Variants in DLG5 observed in about 807,000 individuals in gnomAD.
The protein encoded by DLG5 is disks large homolog 5.
A neutral mutation model predicts 189.8 loss-of-function variants in DLG5; 48 were observed. That is an observed-to-expected ratio of 0.25 (90% CI 0.20 to 0.32). The LOEUF (loss-of-function observed/expected upper bound fraction) is 0.32. DLG5 is among the 10% of genes least tolerant of loss of function. The pLI, the probability that DLG5 is intolerant of heterozygous loss-of-function variation, is 1.00. For synonymous variants in DLG5, 1,016 were observed against 1,054.1 expected (o/e 0.96, Z 0.70); for missense variants, 2,160 against 2,544.7 (o/e 0.85, Z 3.25).
chr10:77,881,663 CA>C (rs1845285528), intron 1 of DLG5, among the ~76,000 whole-genome samples: 1 of 152,168 alleles, frequency 6.6e-6, no homozygotes, highest in Non-Finnish European at 1.5e-5. Context: ...AATGGAGTTT[CA>C]GGAAGCTGTT....
chr10:77,879,239 G>A (rs1343711378), intron 1 of DLG5, among the ~76,000 whole-genome samples: 1 of 152,078 alleles, frequency 6.6e-6, no homozygotes, highest in Non-Finnish European at 1.5e-5. Context: ...GAGTGCCAGA[G>A]GAGGGAATAG....
rs188812734 is a variant in DLG5 at position 77,843,430 on chromosome 10, G to A, written c.1124+17C>T. On this transcript the variant is annotated intron_variant, in intron 6 of 31. Coordinates refer to ENST00000372391, the MANE Select transcript of DLG5 (RefSeq NM_004747.4). ...TAGGACCCATTTGCCCCCGGCCCCC[G>A]ATGGCCCTAGCCCTACCTCCTCAGG... 2,210 of 1,610,844 alleles carry A rather than the reference G, an allele frequency of 1.4e-3. 7 individuals are homozygous for A. Among genetic ancestry groups the A allele is most frequent in the Non-Finnish European group, 1.5e-3 (1,793 of 1,178,950 alleles).
At chr10:77,843,821 G>C (rs1843550629) in intron 5 of DLG5, 115 bp from the exon 6 acceptor site, 25 of 1,399,148 alleles carry the variant, frequency 1.8e-5, no homozygotes, top group Non-Finnish European at 2.2e-5. Flanking sequence ...GTTGGGGGGA[G>C]GGGGTTACCC....
At chr10:77,877,959 T>C (rs1262998375) in intron 1 of DLG5, among the ~76,000 whole-genome samples, 3 of 152,206 alleles carry the variant, frequency 2.0e-5, no homozygotes, top group Admixed American at 2.0e-4. Context: ...GCCTCCATTA[T>C]GCTCCAGCCG....
chr10:77,828,486 CAAAAAAAAA>C (rs34839290), intron 13 of DLG5, among the ~76,000 whole-genome samples: 13 of 66,494 alleles, frequency 2.0e-4, no homozygotes, highest in South Asian at 8.1e-4. Flanking sequence ...GACTCCATAT[CAAAAAAAAA>C]AAAAAAAAAA....
intron 1 of DLG5, among the ~76,000 whole-genome samples, chr10:77,904,014 G>A (rs190155635): frequency 6.6e-6 from 1 of 152,260 alleles, no homozygotes; most frequent in African/African-American, 2.4e-5. Flanking sequence ...CAATTAAAAG[G>A]CTGCTCTAAG....
intron 27 of DLG5, among the ~76,000 whole-genome samples, chr10:77,801,787 C>G (rs1415889883): frequency 6.6e-6 from 1 of 152,198 alleles, no homozygotes; most frequent in East Asian, 1.9e-4. Flanking sequence ...GTGTGGCAGG[C>G]TGACAAGTGT....
intron 27 of DLG5, among the ~76,000 whole-genome samples, chr10:77,798,326 T>A (rs1841028958): frequency 6.6e-6 from 1 of 152,210 alleles, no homozygotes. Flanking sequence ...ATTCACCACC[T>A]TGGAACCCCA....
chr10:77,906,592 T>C lies in DLG5; in HGVS notation c.304+19625A>G, dbSNP rs558017194. On this transcript the variant is annotated intron_variant, in intron 1 of 31. Coordinates refer to ENST00000372391, the MANE Select transcript of DLG5 (RefSeq NM_004747.4). The stretch of plus-strand genomic sequence containing the variant: ...TCCCAAGGAGGTCGACTGTTCAGGA[T>C]GGGCAGCAACAGTGCTGCGCTCCAC... Among the ~76,000 whole-genome samples, 266 of 149,508 alleles carry C rather than the reference T, an allele frequency of 1.8e-3. 1 individual carries two copies. The highest frequency in any genetic ancestry group is 5.9e-3 in the African/African-American group (238 of 40,644).
intron 1 of DLG5, among the ~76,000 whole-genome samples, chr10:77,914,632 A>C (rs139695849): frequency 6.6e-6 from 1 of 152,144 alleles, no homozygotes; most frequent in Non-Finnish European, 1.5e-5. Context: ...CCCACCAAGA[A>C]TGCCCCCTGG....
At chr10:77,897,800 GA>G (rs985033096) in intron 1 of DLG5, among the ~76,000 whole-genome samples, 5 of 145,702 alleles carry the variant, frequency 3.4e-5, no homozygotes, top group South Asian at 2.2e-4. Flanking sequence ...TAGAATTAAA[GA>G]AAAAAAAAAG....
chr10:77,811,899 A>G (rs1381701120), intron 22 of DLG5, 25 bp downstream of exon 22: 2 of 1,591,466 alleles, frequency 1.3e-6, no homozygotes, highest in African/African-American at 2.7e-5. Flanking sequence ...CCCAGCCCAG[A>G]CGGCCCTGGG....
chr10:77,936,784 C>T, the DLG5 span, among the ~76,000 whole-genome samples: 1 of 152,294 alleles, frequency 6.6e-6, no homozygotes, highest in South Asian at 2.1e-4. Context: ...CAATTCTTTG[C>T]AGCAACCCTG....
chr10:77,842,205 G>A lies in DLG5; in HGVS notation c.1125-12C>T, dbSNP rs746398939. The A allele has an allele frequency of 1.3e-6, 2 of 1,596,516 alleles. No individual in the cohort carries two copies. Among genetic ancestry groups the A allele is most frequent in the Non-Finnish European group, 1.7e-6 (2 of 1,176,404 alleles). ...GGATCGCCTCAAACCTGGCAAGAGA[G>A]GTGGCGAGATGTGGGAAGGGCGGGG... is the stretch of plus-strand genomic sequence containing the variant. On this transcript the variant is annotated splice_polypyrimidine_tract_variant and intron_variant, in intron 6 of 31. Coordinates refer to ENST00000372391, the MANE Select transcript of DLG5 (RefSeq NM_004747.4).
At chr10:77,797,991 A>T (rs1450899172) in intron 27 of DLG5, among the ~76,000 whole-genome samples, 1 of 152,150 alleles carries the variant, frequency 6.6e-6, no homozygotes, top group Non-Finnish European at 1.5e-5. Context: ...GTTTGAGACC[A>T]GCCTGGCCAA....
intron 8 of DLG5, among the ~76,000 whole-genome samples, chr10:77,834,401 G>A (rs1440637156): frequency 6.6e-6 from 1 of 152,056 alleles, no homozygotes; most frequent in Non-Finnish European, 1.5e-5. Context: ...TCCTCTGCAT[G>A]AAGCACCCCC....
intron 7 of DLG5, among the ~76,000 whole-genome samples, chr10:77,838,212 C>T (rs940604068): frequency 1.2e-4 from 19 of 152,290 alleles, no homozygotes; most frequent in African/African-American, 4.6e-4. Context: ...ACGGCAGGAG[C>T]ATGGGGGGCT....
At chr10:77,792,961 T>C (rs963199208) in intron 31 of DLG5, 2 of 202,182 alleles carry the variant, frequency 9.9e-6, no homozygotes, top group Admixed American at 5.3e-5. Flanking sequence ...AGCCCTGTAC[T>C]ATAGGAGTTT....
intron 20 of DLG5, among the ~76,000 whole-genome samples, chr10:77,815,064 C>G (rs1841984231): frequency 6.6e-6 from 1 of 152,070 alleles, no homozygotes; most frequent in African/African-American, 2.4e-5. Context: ...CAGGTCCTGG[C>G]TCTCCGTGCC....
Sources: allele counts gnomAD v4.1 joint callset (sites outside exome capture counted in the v4.1 genomes callset), GRCh38; gene constraint gnomAD v4.1.1; transcripts MANE v1.5; gene names NCBI Gene and HGNC (gene_info 2026-07-23, HGNC 2026-07-21).